IL1RAPL2: variants seen among roughly 807,000 people sequenced by gnomAD.
IL1RAPL2 encodes X-linked interleukin-1 receptor accessory protein-like 2.
A neutral mutation model predicts 44.1 loss-of-function variants in IL1RAPL2; 3 were observed. The ratio of observed to expected loss-of-function variants is 0.07; its 90% CI spans 0.03 to 0.18. IL1RAPL2 has a LOEUF of 0.18. IL1RAPL2 is among the 10% of genes least tolerant of loss of function. The probability of loss-of-function intolerance (pLI) is 1.00; values close to 1 mark genes in which losing one functional copy is unlikely to be tolerated. For synonymous variants in IL1RAPL2, 181 were observed against 178.8 expected, an observed-to-expected ratio of 1.01 and a Z score of -0.10; for missense variants, 391 against 496.4, an observed-to-expected ratio of 0.79 and a Z score of 2.02.
chrX:105,408,222 G>C (rs1448007118), intron 5 of IL1RAPL2, among the ~76,000 whole-genome samples: 1 of 111,889 alleles, frequency 8.9e-6, no homozygotes, highest in Non-Finnish European at 1.9e-5. Flanking sequence ...CAGCACCTGT[G>C]ATTCTTTTAC....
chrX:104,641,456 G>T (rs1929933280), intron 1 of IL1RAPL2, among the ~76,000 whole-genome samples: 2 of 112,118 alleles, frequency 1.8e-5, no homozygotes, highest in African/African-American at 6.5e-5. Context: ...GATAGCGGCT[G>T]TGCCGAGTCC....
intron 6 of IL1RAPL2, among the ~76,000 whole-genome samples, chrX:105,536,000 A>G (rs1276615071): frequency 8.9e-6 from 1 of 112,014 alleles, no homozygotes; most frequent in Non-Finnish European, 1.9e-5. Context: ...TAAAAAATAC[A>G]AAACCCTAAA....
At chrX:105,307,132 G>T (rs1603056647) in intron 5 of IL1RAPL2, among the ~76,000 whole-genome samples, 1 of 108,159 alleles carries the variant, frequency 9.2e-6, no homozygotes, top group Admixed American at 1.0e-4. Context: ...CACAAGAACA[G>T]CATGGGAGAA....
At chrX:105,567,077 A>C (rs1331545834) in intron 6 of IL1RAPL2, among the ~76,000 whole-genome samples, 2 of 111,397 alleles carry the variant, frequency 1.8e-5, no homozygotes, top group East Asian at 5.7e-4. Flanking sequence ...AGAAGGAAAA[A>C]AATTCTTATT....
intron 2 of IL1RAPL2, among the ~76,000 whole-genome samples, chrX:105,030,687 C>G (rs2031474395): frequency 9.0e-6 from 1 of 111,570 alleles, no homozygotes; most frequent in African/African-American, 3.3e-5. Flanking sequence ...AGTGATGCCT[C>G]CGGCTTTGTT....
At chrX:104,677,754 G>A (rs1471580870) in intron 2 of IL1RAPL2, among the ~76,000 whole-genome samples, 1 of 111,952 alleles carries the variant, frequency 8.9e-6, no homozygotes, top group Non-Finnish European at 1.9e-5. Context: ...GCGAGACTCC[G>A]TGGGGTAGGA....
intron 5 of IL1RAPL2, among the ~76,000 whole-genome samples, chrX:105,363,297 TA>T (rs1477526161): frequency 2.5e-5 from 2 of 79,440 alleles, no homozygotes; most frequent in East Asian, 6.4e-4. Context: ...ATAATATATA[TA>T]TATATATATA....
chrX:104,853,944 G>T (rs1474948113), intron 2 of IL1RAPL2, among the ~76,000 whole-genome samples: 4 of 107,635 alleles, frequency 3.7e-5, no homozygotes, highest in Non-Finnish European at 7.7e-5. Flanking sequence ...GTATAGGATG[G>T]TACTGGAGTG....
chrX:105,741,154 A>G (rs867329162), intron 8 of IL1RAPL2, among the ~76,000 whole-genome samples: 52 of 112,050 alleles, frequency 4.6e-4, no homozygotes, highest in African/African-American at 1.5e-3. Flanking sequence ...ATTATAAACC[A>G]TATTTTATGA....
chrX:105,079,618 G>T lies in IL1RAPL2; in HGVS notation c.83-115857G>T, dbSNP rs368329437. ...TCTATCACTGATGGGCATTTGGGTT[G>T]GTTCCAAGTCTTTGCTATTGTGAAT... On this transcript the variant is annotated intron_variant, in intron 2 of 10. Transcript: ENST00000372582. 3.5e-3 allele frequency among the ~76,000 whole-genome samples: 384 copies of T among 108,695 alleles called. 4 individuals are homozygous for T. Among genetic ancestry groups the T allele is most frequent in the Middle Eastern group, 0.025 (5 of 199 alleles). 94.4% of individuals were successfully genotyped at this position (108,695 alleles called of 115,157 possible). A position where few individuals can be genotyped will look rare whatever the true frequency, so the allele number is the denominator to read the frequency against.
At chrX:105,520,666 C>T (rs1465537350) in intron 6 of IL1RAPL2, among the ~76,000 whole-genome samples, 1 of 110,981 alleles carries the variant, frequency 9.0e-6, no homozygotes, top group East Asian at 2.8e-4. Flanking sequence ...CCAAGTCATG[C>T]AGAACTTTAA....
chrX:104,960,328 T>C (rs1342920888), intron 2 of IL1RAPL2, among the ~76,000 whole-genome samples: 2 of 112,060 alleles, frequency 1.8e-5, no homozygotes, highest in African/African-American at 6.5e-5. Flanking sequence ...TGTTTTAAGA[T>C]GAGAAAACAG....
intron 2 of IL1RAPL2, among the ~76,000 whole-genome samples, chrX:104,680,808 A>G (rs1602678077): frequency 9.0e-6 from 1 of 111,637 alleles, no homozygotes; most frequent in Non-Finnish European, 1.9e-5. Flanking sequence ...TCCCTGCCCT[A>G]TATGAAAGAT....
At chrX:105,417,247 G>T (rs1033461919) in intron 5 of IL1RAPL2, among the ~76,000 whole-genome samples, 2 of 112,466 alleles carry the variant, frequency 1.8e-5, no homozygotes, top group East Asian at 5.6e-4. Context: ...GCCAAGGCAG[G>T]TGGATTACCT....
At chrX:104,833,494 T>G (rs1228751860) in intron 2 of IL1RAPL2, among the ~76,000 whole-genome samples, 2 of 112,129 alleles carry the variant, frequency 1.8e-5, no homozygotes, top group African/African-American at 6.5e-5. Flanking sequence ...GTCATTTGGT[T>G]ATTTTTTTTA....
At chrX:105,074,290 A>G (rs1359002126) in intron 2 of IL1RAPL2, among the ~76,000 whole-genome samples, 1 of 111,964 alleles carries the variant, frequency 8.9e-6, no homozygotes, top group Non-Finnish European at 1.9e-5. Flanking sequence ...ACCATTTATT[A>G]AATAGGGGAT....
At chrX:105,138,473 C>CAAAAAAAAAAAAAAAAAAAAAA (rs371757842) in intron 2 of IL1RAPL2, among the ~76,000 whole-genome samples, 1 of 54,481 alleles carries the variant, frequency 1.8e-5, no homozygotes, top group Non-Finnish European at 3.4e-5. Flanking sequence ...ATATAATTAC[C>CAAAAAAAAAAAAAAAAAAAAAA]AAAAAAAAAA....
chrX:105,488,166 C>G (rs766732677), intron 6 of IL1RAPL2, among the ~76,000 whole-genome samples: 3 of 112,020 alleles, frequency 2.7e-5, no homozygotes, highest in African/African-American at 9.7e-5. Context: ...TCATTCTTCT[C>G]CCGTTGAATC....
At chrX:105,237,751 A>G (rs782362217) in intron 4 of IL1RAPL2, among the ~76,000 whole-genome samples, 27 of 111,297 alleles carry the variant, frequency 2.4e-4, no homozygotes, top group African/African-American at 7.8e-4. Flanking sequence ...CCTTTGTCAG[A>G]TAAGTGGATT....
Sources: allele counts gnomAD v4.1 joint callset (sites outside exome capture counted in the v4.1 genomes callset), GRCh38; gene constraint gnomAD v4.1.1; transcripts MANE v1.5; gene names NCBI Gene and HGNC (gene_info 2026-07-23, HGNC 2026-07-21).